TXLNB: variants seen among roughly 807,000 people sequenced by gnomAD.
The protein encoded by TXLNB is beta-taxilin.
In TXLNB, 37 loss-of-function variants were observed where a neutral mutation model predicts 57.4. The observed-to-expected ratio is 0.64, with a 90% confidence interval of 0.50 to 0.85. The LOEUF (loss-of-function observed/expected upper bound fraction) is 0.85, where lower values mean the gene tolerates loss of function less well. Ranked by LOEUF, TXLNB falls within the 40% of genes least tolerant of loss-of-function variation. The pLI is 0.00. For synonymous variants in TXLNB, 302 were observed against 309.6 expected, an observed-to-expected ratio of 0.98 and a Z score of 0.26; for missense variants, 848 against 825.6, an observed-to-expected ratio of 1.03 and a Z score of -0.33.
the TXLNB span, among the ~76,000 whole-genome samples, chr6:139,182,394 G>A: frequency 3.9e-5 from 6 of 152,152 alleles, no homozygotes; most frequent in Non-Finnish European, 8.8e-5. Flanking sequence ...AAGGAAAAAA[G>A]TTGCAGAAAA....
the TXLNB span, among the ~76,000 whole-genome samples, chr6:139,228,526 C>CA: frequency 0.14 from 5,887 of 43,190 alleles, 378 homozygotes; most frequent in African/African-American, 0.26. Flanking sequence ...AACTCCATCT[C>CA]AAAAAAAAAA....
chr6:139,234,948 C>T, the TXLNB span, among the ~76,000 whole-genome samples: 7 of 152,214 alleles, frequency 4.6e-5, no homozygotes, highest in Admixed American at 6.5e-5. Context: ...TCCAAGGCTA[C>T]GGGAGCCCAC....
the TXLNB span, among the ~76,000 whole-genome samples, chr6:139,306,607 G>C: frequency 3.3e-5 from 5 of 152,150 alleles, no homozygotes; most frequent in Non-Finnish European, 7.3e-5. Context: ...AATCATATGG[G>C]CCTTTGATCT....
chr6:139,166,301 C>T, the TXLNB span: 1 of 1,608,044 alleles, frequency 6.2e-7, no homozygotes, highest in Non-Finnish European at 8.5e-7. Flanking sequence ...ATGTGCCACT[C>T]CCCTGATCTG....
At chr6:139,171,165 T>A in the TXLNB span, among the ~76,000 whole-genome samples, 4 of 152,042 alleles carry the variant, frequency 2.6e-5, no homozygotes, top group Non-Finnish European at 4.4e-5. Context: ...GGTTGAACAC[T>A]GGGAGTTTAT....
the TXLNB span, among the ~76,000 whole-genome samples, chr6:139,232,559 T>G: frequency 6.6e-6 from 1 of 152,238 alleles, no homozygotes; most frequent in African/African-American, 2.4e-5. Context: ...CTGAATACTT[T>G]ATGGCTTGTT....
chr6:139,196,935 C>T, the TXLNB span, among the ~76,000 whole-genome samples: 1 of 152,098 alleles, frequency 6.6e-6, no homozygotes, highest in African/African-American at 2.4e-5. Context: ...CAGAATAATT[C>T]CCTTATTTTA....
chr6:139,230,474 C>T, the TXLNB span, among the ~76,000 whole-genome samples: 1 of 152,198 alleles, frequency 6.6e-6, no homozygotes, highest in Non-Finnish European at 1.5e-5. Flanking sequence ...GGGACTCCGC[C>T]TCCAAGGACG....
At chr6:139,204,779 C>T in the TXLNB span, among the ~76,000 whole-genome samples, 1 of 152,140 alleles carries the variant, frequency 6.6e-6, no homozygotes, top group South Asian at 2.1e-4. Flanking sequence ...CAGGGCATTG[C>T]AGGATTGAGA....
the TXLNB span, among the ~76,000 whole-genome samples, chr6:139,234,740 C>T: frequency 5.5e-4 from 83 of 152,248 alleles, 2 homozygotes; most frequent in South Asian, 4.1e-4. Flanking sequence ...TCAGAGCCCC[C>T]ACACAGAGTC....
the TXLNB span, among the ~76,000 whole-genome samples, chr6:139,301,051 T>C: frequency 6.6e-6 from 1 of 152,202 alleles, no homozygotes; most frequent in Non-Finnish European, 1.5e-5. Flanking sequence ...AAACTGTAGA[T>C]GGATCCTGGC....
intron 1 of TXLNB, among the ~76,000 whole-genome samples, 189 bp downstream of exon 1, chr6:139,291,732 A>T (rs1260602280): frequency 1.3e-5 from 2 of 152,202 alleles, no homozygotes; most frequent in Non-Finnish European, 2.9e-5. Flanking sequence ...AGAACTTTTC[A>T]CTTGTGTTGG....
chr6:139,214,222 A>G, the TXLNB span, among the ~76,000 whole-genome samples: 5 of 152,222 alleles, frequency 3.3e-5, no homozygotes, highest in Non-Finnish European at 7.3e-5. Context: ...TGATGCAAAA[A>G]TCCTCAATAA....
chr6:139,189,175 TAC>T, the TXLNB span, among the ~76,000 whole-genome samples: 1 of 152,236 alleles, frequency 6.6e-6, no homozygotes, highest in Non-Finnish European at 1.5e-5. Flanking sequence ...AATGTTTTAT[TAC>T]AGCTTTCGGG....
chr6:139,306,834 G>A, the TXLNB span, among the ~76,000 whole-genome samples: 13 of 152,128 alleles, frequency 8.5e-5, no homozygotes, highest in Non-Finnish European at 1.5e-4. Flanking sequence ...TTATCTGCTT[G>A]GTGGCCTTAT....
At chr6:139,317,196 T>C in the TXLNB span, among the ~76,000 whole-genome samples, 84 of 152,114 alleles carry the variant, frequency 5.5e-4, 1 homozygote, top group Admixed American at 2.6e-4. Flanking sequence ...ACTGATTGGA[T>C]CAAGATGTGT....
At chr6:139,220,092 G>T in the TXLNB span, among the ~76,000 whole-genome samples, 136 of 152,250 alleles carry the variant, frequency 8.9e-4, no homozygotes, top group Middle Eastern at 0.017. Flanking sequence ...ATTAGATCAT[G>T]GGGGTGGACC....
chr6:139,196,803 T>C, the TXLNB span, among the ~76,000 whole-genome samples: 4 of 152,134 alleles, frequency 2.6e-5, no homozygotes, highest in Admixed American at 1.3e-4. Flanking sequence ...TCAAAAACAC[T>C]CATTGAGTTC....
At chr6:139,216,662 A>T in the TXLNB span, among the ~76,000 whole-genome samples, 1 of 152,198 alleles carries the variant, frequency 6.6e-6, no homozygotes, top group Non-Finnish European at 1.5e-5. Flanking sequence ...TGGTATATAG[A>T]CAATATGGAA....
Sources: gnomAD v4.1 joint callset for allele counts (sites outside exome capture counted in the v4.1 genomes callset) on GRCh38, gnomAD v4.1.1 for gene constraint, MANE v1.5 for transcripts, NCBI Gene and HGNC (gene_info 2026-07-23, HGNC 2026-07-21) for gene names.